Variants in OLFM3 observed in about 807,000 individuals in gnomAD.
OLFM3 encodes the protein noelin-3.
In OLFM3, 20 loss-of-function variants were observed where a neutral mutation model predicts 48.6. That is an observed-to-expected ratio of 0.41 (90% CI 0.29 to 0.60). OLFM3 has a LOEUF of 0.60. OLFM3 is among the 20% of genes least tolerant of loss of function. The pLI is 0.28. For missense variants in OLFM3, 437 were observed against 544.3 expected, an observed-to-expected ratio of 0.80 and a Z score of 1.96; for synonymous variants, 222 against 198.1, an observed-to-expected ratio of 1.12 and a Z score of -1.01.
intron 1 of OLFM3, among the ~76,000 whole-genome samples, chr1:101,889,921 T>C (rs1657923323): frequency 6.6e-5 from 10 of 151,978 alleles, no homozygotes; most frequent in Admixed American, 6.6e-4. Flanking sequence ...AAGGAAATGA[T>C]AAAAAAGTCA....
At chr1:101,864,557 T>C (rs923077527) in intron 1 of OLFM3, among the ~76,000 whole-genome samples, 8 of 152,204 alleles carry the variant, frequency 5.3e-5, no homozygotes, top group African/African-American at 1.9e-4. Context: ...TTGTTAATTC[T>C]CTAACAAAAT....
intron 1 of OLFM3, among the ~76,000 whole-genome samples, chr1:101,896,871 CAG>C (rs1481050273): frequency 6.6e-6 from 1 of 151,948 alleles, no homozygotes; most frequent in East Asian, 1.9e-4. Context: ...GACTCTCACT[CAG>C]AACAAATGCA....
chr1:101,988,894 A>G (rs1661322743), intron 1 of OLFM3, among the ~76,000 whole-genome samples: 1 of 152,112 alleles, frequency 6.6e-6, no homozygotes, highest in Admixed American at 6.5e-5. Flanking sequence ...GAAAAGAGTG[A>G]TTAGGAATTG....
chr1:101,839,154 T>TA (rs913590631), intron 1 of OLFM3, among the ~76,000 whole-genome samples: 1 of 152,178 alleles, frequency 6.6e-6, no homozygotes, highest in Non-Finnish European at 1.5e-5. Context: ...CTAACTCCTT[T>TA]AAAAAAATTA....
chr1:101,940,869 C>T (rs1375143239), intron 1 of OLFM3, among the ~76,000 whole-genome samples: 3 of 151,536 alleles, frequency 2.0e-5, no homozygotes, highest in Admixed American at 6.6e-5. Context: ...TAACTGAATC[C>T]AACTATCTCA....
chr1:101,805,550 C>T (rs1653730269), intron 5 of OLFM3, among the ~76,000 whole-genome samples: 1 of 151,736 alleles, frequency 6.6e-6, no homozygotes, highest in Non-Finnish European at 1.5e-5. Context: ...ATTTATATAG[C>T]ACAGGCATTG....
intron 1 of OLFM3, among the ~76,000 whole-genome samples, chr1:101,875,347 G>A (rs895812573): frequency 6.6e-6 from 1 of 151,858 alleles, no homozygotes; most frequent in African/African-American, 2.4e-5. Context: ...GTGGAGTTTA[G>A]TTAGTGTTAA....
chr1:101,877,046 C>A (rs1172449171), intron 1 of OLFM3, among the ~76,000 whole-genome samples: 1 of 151,874 alleles, frequency 6.6e-6, no homozygotes, highest in Non-Finnish European at 1.5e-5. Context: ...CTTCACTGAG[C>A]CATTTTGAAG....
intron 4 of OLFM3, among the ~76,000 whole-genome samples, chr1:101,823,076 T>C (rs1654684813): frequency 6.6e-6 from 1 of 152,124 alleles, no homozygotes; most frequent in Middle Eastern, 3.4e-3. Flanking sequence ...TGACTCCTTA[T>C]AGAGTAAATT....
intron 1 of OLFM3, among the ~76,000 whole-genome samples, chr1:101,852,806 C>T (rs537200151): frequency 1.3e-5 from 2 of 152,188 alleles, no homozygotes; most frequent in East Asian, 1.9e-4. Flanking sequence ...GTTGCTCAGG[C>T]CAAAAAGTCA....
chr1:101,925,017 A>C (rs1210728134), intron 1 of OLFM3, among the ~76,000 whole-genome samples: 1 of 152,118 alleles, frequency 6.6e-6, no homozygotes. Flanking sequence ...AGAGACATGA[A>C]ATAAAATACA....
intron 1 of OLFM3, among the ~76,000 whole-genome samples, chr1:101,936,462 A>G (rs907718497): frequency 8.5e-5 from 13 of 152,162 alleles, no homozygotes; most frequent in African/African-American, 2.9e-4. Flanking sequence ...AAGAAATCAG[A>G]GATAACACAA....
chr1:101,835,147 A>T (rs1655340172), intron 2 of OLFM3, among the ~76,000 whole-genome samples: 1 of 152,212 alleles, frequency 6.6e-6, no homozygotes, highest in African/African-American at 2.4e-5. Flanking sequence ...TTCTGGGTAG[A>T]AAAGAAGATT....
intron 1 of OLFM3, among the ~76,000 whole-genome samples, chr1:101,962,652 C>T (rs1255437224): frequency 6.6e-6 from 1 of 152,080 alleles, no homozygotes; most frequent in Non-Finnish European, 1.5e-5. Flanking sequence ...CAAACATAGT[C>T]TTGATTAAGA....
Position 101,964,674 on chromosome 1 carries a change from A to G in OLFM3, c.69+32074T>C, listed in dbSNP as rs924187579. 1.2e-4 allele frequency among the ~76,000 whole-genome samples: 19 copies of G among 152,346 alleles called. 1 individual carries two copies. The highest frequency in any genetic ancestry group is 1.2e-3 in the Admixed American group (19 of 15,300). ...CTATTTTCACCTCACAATCATGAAG[A>G]AAGGGACCTGGGAATTTTGTTCTTC... On this transcript the variant is annotated intron_variant, in intron 1 of 5. Transcript: ENST00000370103.
At chr1:101,821,647 A>G (rs914005621) in intron 4 of OLFM3, among the ~76,000 whole-genome samples, 1 of 152,146 alleles carries the variant, frequency 6.6e-6, no homozygotes, top group Non-Finnish European at 1.5e-5. Context: ...AAAGCATGAA[A>G]GAGTTACATT....
chr1:101,806,577 C>T (rs1653787700), intron 4 of OLFM3, among the ~76,000 whole-genome samples: 1 of 151,730 alleles, frequency 6.6e-6, no homozygotes, highest in South Asian at 2.1e-4. Context: ...CCCCTGTCCC[C>T]ATGCTTTGTG....
intron 1 of OLFM3, among the ~76,000 whole-genome samples, chr1:101,884,601 A>C (rs576267413): frequency 6.6e-6 from 1 of 152,144 alleles, no homozygotes; most frequent in Non-Finnish European, 1.5e-5. Context: ...GCTAACTGTA[A>C]TATTTTGTGC....
At chr1:101,966,426 G>C (rs986018816) in intron 1 of OLFM3, among the ~76,000 whole-genome samples, 1 of 151,776 alleles carries the variant, frequency 6.6e-6, no homozygotes, top group African/African-American at 2.4e-5. Context: ...ACTTGCCTTG[G>C]CCTCCCAAAG....
Sources: gnomAD v4.1 joint callset for allele counts (sites outside exome capture counted in the v4.1 genomes callset) on GRCh38, gnomAD v4.1.1 for gene constraint, MANE v1.5 for transcripts, NCBI Gene and HGNC (gene_info 2026-07-23, HGNC 2026-07-21) for gene names.